Variants in SLC41A2 observed in about 807,000 individuals in gnomAD.
SLC41A2 encodes solute carrier family 41 member 2.
A neutral mutation model predicts 58.3 loss-of-function variants in SLC41A2; 32 were observed. That is an observed-to-expected ratio of 0.55 (90% CI 0.41 to 0.74). The LOEUF (loss-of-function observed/expected upper bound fraction) is 0.74, where lower values mean the gene tolerates loss of function less well. SLC41A2 is among the 30% of genes least tolerant of loss of function. The pLI, the probability that SLC41A2 is intolerant of heterozygous loss-of-function variation, is 0.00. For missense variants in SLC41A2, 514 were observed against 680.6 expected, an observed-to-expected ratio of 0.76 and a Z score of 2.72; for synonymous variants, 190 against 235.0, an observed-to-expected ratio of 0.81 and a Z score of 1.75.
At chr12:104,916,533 A>G (rs1365038390) in intron 2 of SLC41A2, among the ~76,000 whole-genome samples, 4 of 152,186 alleles carry the variant, frequency 2.6e-5, no homozygotes, top group Non-Finnish European at 5.9e-5. Flanking sequence ...CTAAGCCAAA[A>G]GAACAAAGTT....
intron 2 of SLC41A2, among the ~76,000 whole-genome samples, chr12:104,918,628 GAAAAAA>G (rs34865307): frequency 9.0e-6 from 1 of 111,506 alleles, no homozygotes; most frequent in Non-Finnish European, 1.8e-5. Flanking sequence ...GGAGATACAT[GAAAAAA>G]AAAAAAAAAA....
intron 10 of SLC41A2, among the ~76,000 whole-genome samples, chr12:104,817,677 CTATCAT>C (rs952982825): frequency 6.6e-6 from 1 of 150,946 alleles, no homozygotes; most frequent in African/African-American, 2.4e-5. Flanking sequence ...CAGTTGTTTA[CTATCAT>C]TATCAAGTAT....
chr12:104,880,777 C>CT (rs977156266), intron 6 of SLC41A2, among the ~76,000 whole-genome samples: 1 of 151,982 alleles, frequency 6.6e-6, no homozygotes, highest in Admixed American at 6.6e-5. Context: ...CTAAAATTCT[C>CT]TTTTTTTGTT....
intron 10 of SLC41A2, among the ~76,000 whole-genome samples, chr12:104,832,066 A>G (rs2042056325): frequency 6.6e-6 from 1 of 152,218 alleles, no homozygotes. Context: ...GCTAAAAAGT[A>G]ACAACTCATC....
intron 6 of SLC41A2, among the ~76,000 whole-genome samples, chr12:104,882,337 T>C (rs2044419276): frequency 6.6e-6 from 1 of 152,212 alleles, no homozygotes; most frequent in South Asian, 2.1e-4. Context: ...AATATTGTTA[T>C]GTGTGAATTT....
chr12:104,863,551 A>C (rs1311428107), intron 7 of SLC41A2, among the ~76,000 whole-genome samples: 1 of 152,160 alleles, frequency 6.6e-6, no homozygotes, highest in Non-Finnish European at 1.5e-5. Context: ...CTTCTTTAGT[A>C]GTTTCTTATG....
At chr12:104,924,975 A>G (rs183120145) in intron 2 of SLC41A2, among the ~76,000 whole-genome samples, 1 of 152,254 alleles carries the variant, frequency 6.6e-6, no homozygotes, top group Non-Finnish European at 1.5e-5. Context: ...AAACCAAACT[A>G]TGTTGTTTAG....
chr12:104,860,008 A>C (rs766483718), intron 8 of SLC41A2, among the ~76,000 whole-genome samples: 1 of 152,130 alleles, frequency 6.6e-6, no homozygotes, highest in Non-Finnish European at 1.5e-5. Flanking sequence ...CTCGCAAAGT[A>C]CTGGGATTAC....
At chr12:104,848,896 CCACA>C (rs3039361) in intron 8 of SLC41A2, among the ~76,000 whole-genome samples, 3,534 of 147,150 alleles carry the variant, frequency 0.024, 66 homozygotes, top group Middle Eastern at 0.06. Context: ...AACTTGATAA[CCACA>C]CACACACACA....
chr12:104,945,262 A>AG (rs1191406405), intron 1 of SLC41A2, among the ~76,000 whole-genome samples: 1 of 152,178 alleles, frequency 6.6e-6, no homozygotes, highest in African/African-American at 2.4e-5. Context: ...GCACTTTGGG[A>AG]GGCCAATGGG....
chr12:104,894,345 C>T (rs2045177836), intron 4 of SLC41A2, among the ~76,000 whole-genome samples: 1 of 150,184 alleles, frequency 6.7e-6, no homozygotes, highest in South Asian at 2.1e-4. Flanking sequence ...AGAGCAAGAC[C>T]CTGCCTCAAA....
rs2040752228 is a variant in SLC41A2, at chr12:104,802,995, G to A, written c.*2157C>T. The stretch of plus-strand genomic sequence containing the variant: ...AGTTCTCTGAATTTCGGTTTCCTCT[G>A]CTGTAAAATAGAGATAGGAATATCC... On this transcript the variant is annotated 3_prime_UTR_variant, in exon 11 of 11. Transcript: ENST00000258538. The A allele has an allele frequency of 6.6e-6, 1 of 152,194 alleles. No individual in the cohort carries two copies. Among genetic ancestry groups the A allele is most frequent in the African/African-American group, 2.4e-5 (1 of 41,534 alleles). 9.4% of individuals were successfully genotyped at this position (152,194 alleles called of 1,614,324 possible).
intron 2 of SLC41A2, among the ~76,000 whole-genome samples, chr12:104,927,112 A>C (rs1166528910): frequency 6.6e-6 from 1 of 152,174 alleles, no homozygotes; most frequent in Non-Finnish European, 1.5e-5. Flanking sequence ...TGAAAAAATA[A>C]AAGTACTTCT....
intron 8 of SLC41A2, among the ~76,000 whole-genome samples, chr12:104,851,535 C>T (rs7980760): frequency 0.018 from 2,741 of 152,044 alleles, 105 homozygotes; most frequent in African/African-American, 0.062. Context: ...AGGTATGCAT[C>T]ACAATGCCTA....
intron 2 of SLC41A2, among the ~76,000 whole-genome samples, chr12:104,913,690 C>T (rs1334258727): frequency 6.6e-6 from 1 of 152,172 alleles, no homozygotes; most frequent in African/African-American, 2.4e-5. Context: ...GGCGATGCTT[C>T]CCAGACTGTC....
At chr12:104,810,372 A>G (rs1490579050) in intron 10 of SLC41A2, among the ~76,000 whole-genome samples, 1 of 152,222 alleles carries the variant, frequency 6.6e-6, no homozygotes, top group East Asian at 1.9e-4. Context: ...CTCTGGGATT[A>G]GCAAGAAAAA....
chr12:104,896,111 GACTT>G (rs2045269175), intron 3 of SLC41A2, among the ~76,000 whole-genome samples: 1 of 152,176 alleles, frequency 6.6e-6, no homozygotes, highest in Non-Finnish European at 1.5e-5. Flanking sequence ...TGCTATGAAA[GACTT>G]TCTTTCAAAT....
At chr12:104,933,930 T>G (rs1593169657) in intron 1 of SLC41A2, among the ~76,000 whole-genome samples, 1 of 150,460 alleles carries the variant, frequency 6.6e-6, no homozygotes, top group Non-Finnish European at 1.5e-5. Flanking sequence ...AGGGGGAGGG[T>G]GGGAGGAGGG....
At chr12:104,930,638 G>A (rs1439674798) in intron 1 of SLC41A2, among the ~76,000 whole-genome samples, 3 of 152,156 alleles carry the variant, frequency 2.0e-5, no homozygotes, top group Admixed American at 2.0e-4. Flanking sequence ...GATCAAAATG[G>A]AAATGCAGAG....
Sources: gnomAD v4.1 joint callset for allele counts (sites outside exome capture counted in the v4.1 genomes callset) on GRCh38, gnomAD v4.1.1 for gene constraint, MANE v1.5 for transcripts, NCBI Gene and HGNC (gene_info 2026-07-23, HGNC 2026-07-21) for gene names.